Variants in ATP8B4 observed in about 807,000 individuals in gnomAD.
The protein encoded by ATP8B4 is ATPase phospholipid transporting 8B4 (putative).
Under a neutral mutation model 145.6 loss-of-function variants are expected in ATP8B4, and 133 were observed. The ratio of observed to expected loss-of-function variants is 0.91; its 90% CI spans 0.79 to 1.05. The LOEUF is 1.05. Ranked by LOEUF, ATP8B4 falls within the 50% of genes least tolerant of loss-of-function variation. The pLI, the probability that ATP8B4 is intolerant of heterozygous loss-of-function variation, is 0.00. For missense variants in ATP8B4, 1,458 were observed against 1,425.2 expected, an observed-to-expected ratio of 1.02 and a Z score of -0.37; for synonymous variants, 507 against 492.9, an observed-to-expected ratio of 1.03 and a Z score of -0.38.
At chr15:49,985,273 T>C (rs549924982) in intron 10 of ATP8B4, among the ~76,000 whole-genome samples, 28 of 152,198 alleles carry the variant, frequency 1.8e-4, no homozygotes, top group African/African-American at 6.7e-4. Context: ...ATTTTTTGTA[T>C]TTTTAGTAGA....
intron 1 of ATP8B4, among the ~76,000 whole-genome samples, chr15:50,112,389 G>T (rs2056989016): frequency 6.6e-6 from 1 of 152,026 alleles, no homozygotes; most frequent in East Asian, 1.9e-4. Flanking sequence ...CTTCCTTTGG[G>T]TGTGGGTGCT....
intron 11 of ATP8B4, among the ~76,000 whole-genome samples, chr15:49,980,909 A>G (rs1031836165): frequency 1.5e-4 from 23 of 152,182 alleles, no homozygotes; most frequent in Non-Finnish European, 1.0e-4. Flanking sequence ...AAAAACACCA[A>G]ACTGCCTTAA....
rs2043649744 is a variant in ATP8B4, at chr15:49,957,238, A to G, written c.1287+4739T>C. 2.6e-5 allele frequency among the ~76,000 whole-genome samples: 4 copies of G among 152,274 alleles called. No individual in the cohort carries two copies. The South Asian group carries it at 8.3e-4, about 32-fold the overall frequency. ...AAATAATAATCTCATCATTGTTCATATTAGGAAATTGATCAATGCTGCCTT... is the reference window on the plus strand; with the variant it reads ...AAATAATAATCTCATCATTGTTCATGTTAGGAAATTGATCAATGCTGCCTT... On this transcript the variant is annotated intron_variant, in intron 14 of 27. Coordinates refer to ENST00000284509, the MANE Select transcript of ATP8B4 (RefSeq NM_024837.4).
chr15:50,036,205 G>C (rs948816051), intron 6 of ATP8B4, among the ~76,000 whole-genome samples: 1 of 152,198 alleles, frequency 6.6e-6, no homozygotes, highest in African/African-American at 2.4e-5. Context: ...TGGGAAGGGA[G>C]ATGAGAAGCA....
intron 2 of ATP8B4, among the ~76,000 whole-genome samples, chr15:50,095,086 C>T (rs1474168260): frequency 6.6e-6 from 1 of 152,094 alleles, no homozygotes; most frequent in Non-Finnish European, 1.5e-5. Context: ...AACATCTACT[C>T]AGTAGATGTC....
intron 23 of ATP8B4, among the ~76,000 whole-genome samples, chr15:49,888,492 T>C (rs770994936): frequency 3.9e-5 from 6 of 152,204 alleles, no homozygotes; most frequent in Non-Finnish European, 7.3e-5. Flanking sequence ...GATAATATCA[T>C]CTCACAAGTA....
chr15:49,864,030 T>G (rs2032342546), intron 26 of ATP8B4, among the ~76,000 whole-genome samples: 2 of 152,210 alleles, frequency 1.3e-5, no homozygotes, highest in South Asian at 4.1e-4. Context: ...ACTTTTCATT[T>G]TGGCAAACGA....
intron 12 of ATP8B4, among the ~76,000 whole-genome samples, chr15:49,977,203 T>C (rs926368897): frequency 6.6e-6 from 1 of 152,116 alleles, no homozygotes; most frequent in South Asian, 2.1e-4. Context: ...TAAAGCCTAA[T>C]AGAAGCTTTG....
chr15:49,961,670 C>T (rs1337298810), intron 14 of ATP8B4, among the ~76,000 whole-genome samples: 6 of 151,990 alleles, frequency 3.9e-5, no homozygotes, highest in South Asian at 2.1e-4. Flanking sequence ...TTGTTGAGAA[C>T]GCTGAAGAAC....
intron 23 of ATP8B4, 61 bp from the exon 24 acceptor site, chr15:49,879,520 T>C: frequency 7.0e-7 from 1 of 1,434,120 alleles, no homozygotes. Flanking sequence ...AATATTCACA[T>C]TTAGGTTAAA....
intron 6 of ATP8B4, among the ~76,000 whole-genome samples, chr15:50,036,846 T>G (rs1283108188): frequency 6.6e-6 from 1 of 152,226 alleles, no homozygotes; most frequent in Non-Finnish European, 1.5e-5. Flanking sequence ...CTCCATTCCA[T>G]TCTCAATGAT....
intron 20 of ATP8B4, among the ~76,000 whole-genome samples, chr15:49,906,552 G>T (rs1161758921): frequency 6.6e-6 from 1 of 152,158 alleles, no homozygotes; most frequent in South Asian, 2.1e-4. Flanking sequence ...TGCTTCAGGA[G>T]GATCTGCAGA....
intron 25 of ATP8B4, among the ~76,000 whole-genome samples, chr15:49,875,121 TACAC>T (rs1157313346): frequency 2.6e-5 from 4 of 152,166 alleles, no homozygotes; most frequent in African/African-American, 7.2e-5. Flanking sequence ...CACACACACA[TACAC>T]ACAAACATTT....
intron 1 of ATP8B4, among the ~76,000 whole-genome samples, chr15:50,112,464 C>A (rs998187455): frequency 3.9e-5 from 6 of 152,072 alleles, no homozygotes; most frequent in African/African-American, 1.4e-4. Flanking sequence ...ATGGAACATG[C>A]CCAAGCCCAG....
intron 1 of ATP8B4, among the ~76,000 whole-genome samples, chr15:50,108,979 T>C (rs1415147789): frequency 1.3e-5 from 2 of 152,142 alleles, no homozygotes; most frequent in Non-Finnish European, 2.9e-5. Context: ...AAAGACACTT[T>C]CCTTTTAGCA....
intron 1 of ATP8B4, among the ~76,000 whole-genome samples, chr15:50,153,112 A>G (rs2044367361): frequency 6.6e-6 from 1 of 152,246 alleles, no homozygotes; most frequent in Admixed American, 6.5e-5. Context: ...GGAAAAAGTA[A>G]GAGCATGTGA....
chr15:49,863,478 A>G (rs548870618), intron 26 of ATP8B4, among the ~76,000 whole-genome samples: 1 of 152,234 alleles, frequency 6.6e-6, no homozygotes, highest in East Asian at 1.9e-4. Flanking sequence ...ACCAAAATAA[A>G]CTTTTGTCCC....
chr15:49,976,504 G>A (rs1829808186), intron 12 of ATP8B4, among the ~76,000 whole-genome samples: 1 of 151,996 alleles, frequency 6.6e-6, no homozygotes, highest in Non-Finnish European at 1.5e-5. Flanking sequence ...ACAGAGCCAA[G>A]ACTAGAACTC....
At chr15:49,901,658 C>A in intron 20 of ATP8B4, 1 of 279,282 alleles carries the variant, frequency 3.6e-6, no homozygotes, top group Non-Finnish European at 7.1e-6. Context: ...CTAGGAATTC[C>A]AGGACATCTA....
Sources: gnomAD v4.1 joint callset for allele counts (sites outside exome capture counted in the v4.1 genomes callset) on GRCh38, gnomAD v4.1.1 for gene constraint, MANE v1.5 for transcripts, NCBI Gene and HGNC (gene_info 2026-07-23, HGNC 2026-07-21) for gene names.